ATG16L1: variants seen among roughly 807,000 people sequenced by gnomAD.
ATG16L1 encodes autophagy-related protein 16-1.
In ATG16L1, 37 loss-of-function variants were observed where a neutral mutation model predicts 88.5. The ratio of observed to expected loss-of-function variants is 0.42; its 90% CI spans 0.32 to 0.55. The LOEUF is 0.55. Ranked by LOEUF, ATG16L1 falls within the 20% of genes least tolerant of loss-of-function variation. ATG16L1 has a pLI of 0.13. For synonymous variants in ATG16L1, 301 were observed against 281.0 expected (o/e 1.07, Z -0.71); for missense variants, 554 against 752.8 (o/e 0.74, Z 3.09).
chr2:233,276,066 C>G (rs948193930), intron 9 of ATG16L1: 1 of 459,834 alleles, frequency 2.2e-6, no homozygotes, highest in African/African-American at 2.0e-5. Flanking sequence ...GGTTTGGTCA[C>G]CTGTCATACT....
chr2:233,264,512 G>C (rs888447460), intron 4 of ATG16L1, among the ~76,000 whole-genome samples: 2 of 152,190 alleles, frequency 1.3e-5, no homozygotes, highest in Non-Finnish European at 2.9e-5. Context: ...TGGAGCTGGG[G>C]TAGCGTGTGC....
At chr2:233,283,483 A>G (rs1412894178) in intron 12 of ATG16L1, among the ~76,000 whole-genome samples, 1 of 152,090 alleles carries the variant, frequency 6.6e-6, no homozygotes, top group African/African-American at 2.4e-5. Context: ...TTTTTTTTAA[A>G]AAGTTAACAC....
chr2:233,265,239 A>T, intron 5 of ATG16L1, 96 bp downstream of exon 5: 1 of 1,442,800 alleles, frequency 6.9e-7, no homozygotes, highest in Non-Finnish European at 9.4e-7. Flanking sequence ...TTACTACAGG[A>T]GGTTTACCAG....
intron 2 of ATG16L1, among the ~76,000 whole-genome samples, chr2:233,260,896 A>G (rs550756276): frequency 1.3e-5 from 2 of 152,300 alleles, no homozygotes; most frequent in African/African-American, 2.4e-5. Context: ...GCCTCTGAAC[A>G]TGATTAACAC....
intron 9 of ATG16L1, among the ~76,000 whole-genome samples, chr2:233,276,767 G>A (rs1388096926): frequency 6.6e-6 from 1 of 152,212 alleles, no homozygotes; most frequent in Non-Finnish European, 1.5e-5. Context: ...GTGTGCCACT[G>A]CACCCAGCCA....
chr2:233,289,775 A>G, intron 12 of ATG16L1, 79 bp from the exon 13 acceptor site: 1 of 1,571,312 alleles, frequency 6.4e-7, no homozygotes, highest in African/African-American at 1.3e-5. Flanking sequence ...CTCTGGAGGT[A>G]AGGATGCTGT....
intron 12 of ATG16L1, among the ~76,000 whole-genome samples, chr2:233,284,592 A>G (rs1373717670): frequency 3.9e-5 from 6 of 152,176 alleles, no homozygotes. Flanking sequence ...TCAGCCTCCC[A>G]AAGTGTTGGG....
Position 233,284,761 on chromosome 2 carries a change from C to T in ATG16L1, c.1203+2008C>T, listed in dbSNP as rs534307162. Among the ~76,000 whole-genome samples the T allele has an allele frequency of 8.5e-5, 13 of 152,356 alleles. No homozygotes were observed. In the East Asian group the frequency reaches 1.5e-3, roughly 18 times the overall value. On this transcript the variant is annotated intron_variant, in intron 12 of 17. Coordinates refer to ENST00000392017, the MANE Select transcript of ATG16L1 (RefSeq NM_030803.7). ...CTGGGATTACAGGCATGCACCACCA[C>T]GCCTGGCCCAGATGAATTTCTTAAA...
At chr2:233,289,023 C>G (rs539828468) in intron 12 of ATG16L1, 10 of 440,694 alleles carry the variant, frequency 2.3e-5, no homozygotes, top group African/African-American at 1.8e-4. Flanking sequence ...CCTGTGGTGA[C>G]CTTGTCTAGT....
intron 12 of ATG16L1, among the ~76,000 whole-genome samples, chr2:233,288,243 A>G (rs992202999): frequency 1.3e-5 from 2 of 152,182 alleles, no homozygotes; most frequent in African/African-American, 4.8e-5. Context: ...CCCCACTGAA[A>G]ATAGAGGAAG....
chr2:233,251,786 C>G lies in ATG16L1; in HGVS notation c.-42C>G. 6.5e-7 allele frequency: 1 copy of G among 1,527,532 alleles called. No homozygotes were observed. The highest frequency in any genetic ancestry group is 8.9e-7 in the Non-Finnish European group (1 of 1,128,372). 94.6% of individuals were successfully genotyped at this position (1,527,532 alleles called of 1,614,324 possible). A position where few individuals can be genotyped will look rare whatever the true frequency, so the allele number is the denominator to read the frequency against. ...GCTGCAGGCTGCGGCCGTCAGCCCT[C>G]GCTCGCATTGGTGGCGCTGAGGTGC... On this transcript the variant is annotated 5_prime_UTR_variant, in exon 1 of 18. Coordinates refer to ENST00000392017, the MANE Select transcript of ATG16L1 (RefSeq NM_030803.7).
intron 17 of ATG16L1, 71 bp from the exon 18 acceptor site, chr2:233,294,185 TG>T: frequency 1.6e-6 from 2 of 1,240,898 alleles, no homozygotes; most frequent in Non-Finnish European, 1.1e-6. Context: ...CACAAGCTTC[TG>T]GTGTTTGGTT....
intron 17 of ATG16L1, 62 bp downstream of exon 17, chr2:233,293,419 A>C: frequency 1.6e-5 from 24 of 1,459,724 alleles, no homozygotes; most frequent in African/African-American, 2.8e-5. Flanking sequence ...ACTTCATCTC[A>C]GGGGTCATCC....
chr2:233,257,246 G>A (rs527325655), intron 2 of ATG16L1, among the ~76,000 whole-genome samples: 33 of 151,840 alleles, frequency 2.2e-4, no homozygotes, highest in Non-Finnish European at 3.1e-4. Context: ...AGCCAGGATG[G>A]TCTTGATATC....
intron 9 of ATG16L1, chr2:233,276,075 CT>C: frequency 2.3e-6 from 1 of 443,644 alleles, no homozygotes; most frequent in Non-Finnish European, 4.5e-6. Context: ...ACCTGTCATA[CT>C]TTTCAGCAGT....
intron 11 of ATG16L1, 140 bp downstream of exon 11, chr2:233,281,315 A>G (rs62192955): frequency 0.085 from 56,966 of 668,414 alleles, 3,074 homozygotes; most frequent in Non-Finnish European, 0.11. Flanking sequence ...GAAAGATGGA[A>G]ATAGATTATA....
At chr2:233,255,117 G>T (rs1696685022) in intron 1 of ATG16L1, among the ~76,000 whole-genome samples, 1 of 152,134 alleles carries the variant, frequency 6.6e-6, no homozygotes, top group Non-Finnish European at 1.5e-5. Flanking sequence ...GGGACTGTGG[G>T]CAAGTGCCAC....
rs1469503379 is a variant in ATG16L1 at position 233,277,576 on chromosome 2, T to C, written c.963T>C (p.His321=). ...PATALCVFDA[H]DGEVNAVQFS... ...GGGTGCTTGTCTTGCAGGATGCACATGATGGGGAAGTCAACGCTGTGCAGT... is the reference window on the plus strand; with the variant it reads ...GGGTGCTTGTCTTGCAGGATGCACACGATGGGGAAGTCAACGCTGTGCAGT... The change falls in exon 10 of 18, where the codon CAT becomes CAC. Residue 321 remains histidine (H), a synonymous_variant. Coordinates refer to ENST00000392017, the MANE Select transcript of ATG16L1 (RefSeq NM_030803.7). The C allele has an allele frequency of 1.9e-6, 3 of 1,613,940 alleles. No individual in the cohort carries two copies. Among genetic ancestry groups the C allele is most frequent in the South Asian group, 2.2e-5 (2 of 91,086 alleles).
chr2:233,264,101 T>C (rs375251918), intron 4 of ATG16L1, 36 bp downstream of exon 4: 13 of 1,607,420 alleles, frequency 8.1e-6, no homozygotes, highest in African/African-American at 2.7e-5. Flanking sequence ...AGCCTGGTCA[T>C]TGGGTCCCAT....
Sources: allele counts gnomAD v4.1 joint callset (sites outside exome capture counted in the v4.1 genomes callset), GRCh38; gene constraint gnomAD v4.1.1; transcripts MANE v1.5; gene names NCBI Gene and HGNC (gene_info 2026-07-23, HGNC 2026-07-21).